Variants in KRABD3 observed in about 807,000 individuals in gnomAD.
KRABD3 encodes KRAB domain-containing protein 3.
chr7:149,727,960 G>A, the KRABD3 span, among the ~76,000 whole-genome samples: 6 of 152,270 alleles, frequency 3.9e-5, no homozygotes, highest in African/African-American at 1.2e-4. Context: ...GGGAAAGAGA[G>A]TGGCAGCACT....
chr7:149,723,881 G>T, the KRABD3 span: 1 of 1,613,438 alleles, frequency 6.2e-7, no homozygotes, highest in Non-Finnish European at 8.5e-7. Flanking sequence ...TGGAAAAGGG[G>T]TTCTGGAGGT....
At chr7:149,733,746 C>T in the KRABD3 span, 3 of 1,586,672 alleles carry the variant, frequency 1.9e-6, no homozygotes, top group Non-Finnish European at 2.6e-6. Flanking sequence ...TGCAGCTCTT[C>T]CCAGCAGCTG....
At chr7:149,730,637 T>TC in the KRABD3 span, 1 of 1,546,030 alleles carries the variant, frequency 6.5e-7, no homozygotes, top group Non-Finnish European at 8.8e-7. Flanking sequence ...GACTGGATCC[T>TC]TTGAGTCCTG....
chr7:149,716,672 T>C, the KRABD3 span, among the ~76,000 whole-genome samples: 3 of 152,194 alleles, frequency 2.0e-5, no homozygotes, highest in African/African-American at 7.2e-5. Flanking sequence ...AAAGCATCTC[T>C]TACAGATTCC....
chr7:149,717,321 G>A, the KRABD3 span, among the ~76,000 whole-genome samples: 20 of 152,326 alleles, frequency 1.3e-4, no homozygotes, highest in African/African-American at 4.8e-4. Flanking sequence ...TTTAGGGAAT[G>A]GTGGGAAGCC....
the KRABD3 span, among the ~76,000 whole-genome samples, chr7:149,723,205 A>C: frequency 6.6e-6 from 1 of 152,040 alleles, no homozygotes; most frequent in East Asian, 1.9e-4. Flanking sequence ...TTGGGACCCG[A>C]GGGGAAGAGC....
At chr7:149,729,314 G>C in the KRABD3 span, 1 of 1,599,400 alleles carries the variant, frequency 6.3e-7, no homozygotes, top group Non-Finnish European at 8.5e-7. Flanking sequence ...TGCCACCAGC[G>C]GGGGTTCAAA....
At chr7:149,718,377 A>C in the KRABD3 span, among the ~76,000 whole-genome samples, 3 of 152,294 alleles carry the variant, frequency 2.0e-5, no homozygotes, top group South Asian at 2.1e-4. Context: ...ATTTCTCAAC[A>C]GGAAGGACCC....
the KRABD3 span, among the ~76,000 whole-genome samples, chr7:149,726,955 C>G: frequency 2.0e-5 from 3 of 152,158 alleles, no homozygotes; most frequent in Non-Finnish European, 4.4e-5. Flanking sequence ...ATTCCTTACC[C>G]CAGCCACAAA....
the KRABD3 span, among the ~76,000 whole-genome samples, chr7:149,718,149 G>A: frequency 6.6e-6 from 1 of 151,976 alleles, no homozygotes; most frequent in South Asian, 2.1e-4. Context: ...GCTCACGCCT[G>A]TAATCCTAGC....
the KRABD3 span, chr7:149,733,966 C>T: frequency 7.5e-6 from 12 of 1,606,698 alleles, no homozygotes; most frequent in Non-Finnish European, 1.0e-5. Context: ...AGCCGAGCAG[C>T]CTGCTGGGAG....
chr7:149,734,398 C>T, the KRABD3 span: 111 of 239,982 alleles, frequency 4.6e-4, no homozygotes, highest in Non-Finnish European at 6.7e-4. Flanking sequence ...GCTAGAGCGG[C>T]CAGGAGAGCG....
At chr7:149,727,387 G>A in the KRABD3 span, among the ~76,000 whole-genome samples, 1,243 of 152,318 alleles carry the variant, frequency 8.2e-3, 17 homozygotes, top group Middle Eastern at 0.027. Flanking sequence ...TTCCCCTATA[G>A]TGCAACTGAC....
chr7:149,719,630 C>T, the KRABD3 span: 11 of 1,608,766 alleles, frequency 6.8e-6, no homozygotes, highest in African/African-American at 2.7e-5. The surrounding 1 kb of genome is among the most constrained non-coding windows in gnomAD (Gnocchi z 5.6). Context: ...GGAGTTCTAC[C>T]GAGACGTGAT....
chr7:149,725,337 G>A, the KRABD3 span: 5 of 1,596,390 alleles, frequency 3.1e-6, no homozygotes, highest in Admixed American at 1.7e-5. Flanking sequence ...CAAGCTCACC[G>A]CTGGAAGCCC....
At chr7:149,729,765 G>T in the KRABD3 span, 3 of 985,226 alleles carry the variant, frequency 3.0e-6, no homozygotes, top group Non-Finnish European at 3.6e-6. Flanking sequence ...GACGAGGATG[G>T]GCCCTAACTG....
At chr7:149,717,795 G>A in the KRABD3 span, among the ~76,000 whole-genome samples, 1 of 152,174 alleles carries the variant, frequency 6.6e-6, no homozygotes, top group African/African-American at 2.4e-5. Context: ...GGCAGTAAGT[G>A]GACAACAAGG....
chr7:149,715,031 G>T, the KRABD3 span: 935 of 1,228,576 alleles, frequency 7.6e-4, 4 homozygotes, highest in African/African-American at 0.013. Flanking sequence ...AAACCGAGGA[G>T]TGGCGGGGAG....
the KRABD3 span, chr7:149,722,546 A>G: frequency 6.7e-7 from 1 of 1,498,400 alleles, no homozygotes; most frequent in Admixed American, 1.8e-5. Context: ...GAGGGACCTC[A>G]GAGGCCGGTG....
Sources: gnomAD v4.1 joint callset for allele counts (sites outside exome capture counted in the v4.1 genomes callset) on GRCh38, gnomAD v4.1.1 for gene constraint, Gnocchi (gnomAD v3.1) non-coding constraint, MANE v1.5 for transcripts, NCBI Gene and HGNC (gene_info 2026-07-23, HGNC 2026-07-21) for gene names.